MEIS2: variants seen among roughly 807,000 people sequenced by gnomAD.
MEIS2 encodes the protein Meis homeobox 2, also known as homeobox protein Meis2.
A neutral mutation model predicts 58.6 loss-of-function variants in MEIS2; 9 were observed. The observed-to-expected ratio is 0.15, with a 90% CI of 0.09 to 0.27. MEIS2 has a LOEUF of 0.27. Among genes scored for constraint, MEIS2 ranks in the 10% least tolerant of loss-of-function variants. The pLI is 1.00. For missense variants in MEIS2, 427 were observed against 635.0 expected (o/e 0.67, Z 3.52); for synonymous variants, 221 against 228.4 (o/e 0.97, Z 0.29).
intron 8 of MEIS2, among the ~76,000 whole-genome samples, chr15:36,950,810 G>T (rs2058727731): frequency 6.6e-6 from 1 of 152,030 alleles, no homozygotes; most frequent in Non-Finnish European, 1.5e-5. Context: ...TTGTGAGATG[G>T]CTCAATATAA....
chr15:37,036,213 A>C (rs1305931958), intron 8 of MEIS2, among the ~76,000 whole-genome samples: 1 of 152,224 alleles, frequency 6.6e-6, no homozygotes, highest in Admixed American at 6.5e-5. Flanking sequence ...AGCTTTTAAG[A>C]TAATGGACTT....
At chr15:36,975,560 T>C (rs1377390618) in intron 8 of MEIS2, among the ~76,000 whole-genome samples, 1 of 150,890 alleles carries the variant, frequency 6.6e-6, no homozygotes, top group Non-Finnish European at 1.5e-5. Flanking sequence ...ATTTTTCCCT[T>C]CTTGACAACA....
chr15:36,922,609 TTC>T (rs2057560521), intron 9 of MEIS2, among the ~76,000 whole-genome samples: 1 of 131,184 alleles, frequency 7.6e-6, no homozygotes, highest in Non-Finnish European at 1.7e-5. Context: ...CTCAGTAACT[TTC>T]TTTCTTTCTT....
intron 6 of MEIS2, among the ~76,000 whole-genome samples, chr15:37,090,263 A>C (rs1162459151): frequency 6.6e-6 from 1 of 152,030 alleles, no homozygotes; most frequent in Non-Finnish European, 1.5e-5. Flanking sequence ...ATTGTAATCA[A>C]TATTGCTTAT....
intron 9 of MEIS2, among the ~76,000 whole-genome samples, chr15:36,925,311 T>C (rs1456407069): frequency 6.6e-6 from 1 of 152,158 alleles, no homozygotes; most frequent in East Asian, 1.9e-4. Flanking sequence ...ATGGGCAACG[T>C]CCTTACGAAG....
At chr15:36,976,240 A>G (rs2059749278) in intron 8 of MEIS2, among the ~76,000 whole-genome samples, 1 of 151,630 alleles carries the variant, frequency 6.6e-6, no homozygotes, top group Non-Finnish European at 1.5e-5. Context: ...GGCCACCACC[A>G]TGCCCAGCTA....
intron 8 of MEIS2, among the ~76,000 whole-genome samples, chr15:37,023,648 C>T (rs2061599067): frequency 6.6e-6 from 1 of 152,096 alleles, no homozygotes; most frequent in South Asian, 2.1e-4. Flanking sequence ...GTCCCTCTTG[C>T]TCTTTGGTGC....
chr15:37,089,111 C>T (rs555937992), intron 6 of MEIS2, among the ~76,000 whole-genome samples: 4 of 152,162 alleles, frequency 2.6e-5, no homozygotes, highest in South Asian at 2.1e-4. Flanking sequence ...AGAAAATCCA[C>T]GCACCCAGCC....
chr15:37,074,203 GA>G (rs1891077247), intron 7 of MEIS2, among the ~76,000 whole-genome samples: 1 of 151,874 alleles, frequency 6.6e-6, no homozygotes, highest in African/African-American at 2.4e-5. Flanking sequence ...TTAGCAGATA[GA>G]ACAGTCTATT....
rs2055802050 is a variant in MEIS2, at chr15:36,890,443, G to T, written c.*1730C>A. 1 of 152,026 alleles carries T rather than the reference G, an allele frequency of 6.6e-6. No homozygotes were observed. The highest frequency in any genetic ancestry group is 1.5e-5 in the Non-Finnish European group (1 of 67,986). The allele number at this position is 152,026 out of a possible 1,614,324, so 9.4% of individuals were successfully genotyped here. Reference sequence around the variant, plus strand: ...ATCAAATCATCACACTAGCATCCCTGCACATGGATGTGTCTGAAATAAAAA... The same window carrying T: ...ATCAAATCATCACACTAGCATCCCTTCACATGGATGTGTCTGAAATAAAAA... On this transcript the variant is annotated 3_prime_UTR_variant, in exon 12 of 12. Transcript: ENST00000561208.
chr15:37,069,002 A>T (rs1479664344), intron 7 of MEIS2, among the ~76,000 whole-genome samples: 2 of 152,184 alleles, frequency 1.3e-5, no homozygotes, highest in African/African-American at 4.8e-5. Flanking sequence ...TTTTCCTCTA[A>T]TTTTTAAAAA....
intron 9 of MEIS2, among the ~76,000 whole-genome samples, chr15:36,908,267 C>G (rs572970264): frequency 1.3e-5 from 2 of 152,288 alleles, no homozygotes; most frequent in Admixed American, 1.3e-4. Flanking sequence ...ATTATTACCC[C>G]CAAAATTTTC....
In MEIS2 at chr15:36,950,380, C is replaced by T; in HGVS notation, c.921G>A (p.Glu307=). 6.8e-6 allele frequency: 11 copies of T among 1,612,862 alleles called. No homozygotes were observed. Among genetic ancestry groups the T allele is most frequent in the Non-Finnish European group, 9.3e-6 (11 of 1,179,092 alleles). The stretch of plus-strand genomic sequence containing the variant: ...TGTCTTGCGCTAACTGTTTCTTCTG[C>T]TCTTCGGAAGGGTACGGATGCTAAT... ...QHLTHPYPSE[E]QKKQLAQDTG... The change falls in exon 9 of 12, where the codon GAG becomes GAA. Residue 307 remains glutamate (E), a synonymous_variant. Transcript: ENST00000561208.
At chr15:36,911,953 G>T (rs2057047509) in intron 9 of MEIS2, among the ~76,000 whole-genome samples, 1 of 152,202 alleles carries the variant, frequency 6.6e-6, no homozygotes, top group Admixed American at 6.5e-5. Context: ...TGTTTAAGCA[G>T]AAGTAAGCAG....
chr15:37,030,178 C>G lies in MEIS2; in HGVS notation c.900+6636G>C, dbSNP rs535864146. Among the ~76,000 whole-genome samples the G allele has an allele frequency of 2.6e-5, 4 of 152,258 alleles. No homozygotes were observed. In the South Asian group the frequency reaches 8.3e-4, roughly 32 times the overall value. ...CCCATTGGAGACATTCTGAACTACTCCATAGCCCATTTCTTCTCCACCTTC... is the reference window on the plus strand; with the variant it reads ...CCCATTGGAGACATTCTGAACTACTGCATAGCCCATTTCTTCTCCACCTTC... On this transcript the variant is annotated intron_variant, in intron 8 of 11. Coordinates refer to ENST00000561208, the MANE Select transcript of MEIS2 (RefSeq NM_170675.5).
In MEIS2 at chr15:36,889,895, A is replaced by G. The variant is rs923375717; in HGVS notation, c.*2278T>C. On this transcript the variant is annotated 3_prime_UTR_variant, in exon 12 of 12. Coordinates refer to ENST00000561208, the MANE Select transcript of MEIS2 (RefSeq NM_170675.5). ...TTCCCAAGTGGCACTGAATTTCTCT[A>G]TTAAGTTAGTTTGTGTCAGAAGCAT... 2.0e-5 allele frequency: 3 copies of G among 152,210 alleles called. No homozygotes were observed. Among genetic ancestry groups the G allele is most frequent in the African/African-American group, 7.2e-5 (3 of 41,466 alleles). The allele number at this position is 152,210 out of a possible 1,614,324, so 9.4% of individuals were successfully genotyped here.
At chr15:36,939,791 G>T (rs2058311900) in intron 9 of MEIS2, among the ~76,000 whole-genome samples, 2 of 152,148 alleles carry the variant, frequency 1.3e-5, no homozygotes, top group South Asian at 2.1e-4. Flanking sequence ...ATTTTCTGTT[G>T]TAATGGGATT....
At chr15:37,071,109 A>G (rs1230179244) in intron 7 of MEIS2, among the ~76,000 whole-genome samples, 1 of 152,068 alleles carries the variant, frequency 6.6e-6, no homozygotes, top group Non-Finnish European at 1.5e-5. Flanking sequence ...CTGCTATTCA[A>G]TGTCCTTCAC....
At chr15:36,927,815 C>A (rs2057808007) in intron 9 of MEIS2, among the ~76,000 whole-genome samples, 1 of 152,060 alleles carries the variant, frequency 6.6e-6, no homozygotes, top group Admixed American at 6.5e-5. Context: ...AAGTCATTTT[C>A]TCTGTATTTA....
Sources: gnomAD v4.1 joint callset for allele counts (sites outside exome capture counted in the v4.1 genomes callset) on GRCh38, gnomAD v4.1.1 for gene constraint, MANE v1.5 for transcripts, NCBI Gene and HGNC (gene_info 2026-07-23, HGNC 2026-07-21) for gene names.